The following NUCB2 variants were observed in gnomAD, a reference collection of about 807,000 sequenced individuals.
NUCB2 encodes nucleobindin-2.
NUCB2 carries 48 observed loss-of-function variants against 57.9 expected under a neutral mutation model. The ratio of observed to expected loss-of-function variants is 0.83; its 90% CI spans 0.66 to 1.05. The LOEUF is 1.05. Ranked by LOEUF, NUCB2 falls within the 50% of genes least tolerant of loss-of-function variation. The pLI is 0.00. For missense variants in NUCB2, 442 were observed against 476.2 expected (o/e 0.93, Z 0.67); for synonymous variants, 139 against 152.1 (o/e 0.91, Z 0.64).
intron 2 of NUCB2, among the ~76,000 whole-genome samples, chr11:17,347,591 CATT>C (rs907613411): frequency 2.0e-5 from 3 of 152,144 alleles, no homozygotes; most frequent in African/African-American, 7.2e-5. Flanking sequence ...GGAAATTTAA[CATT>C]GTTACAATAC....
intron 2 of NUCB2, among the ~76,000 whole-genome samples, chr11:17,347,791 T>A (rs1952861916): frequency 6.6e-6 from 1 of 152,158 alleles, no homozygotes; most frequent in African/African-American, 2.4e-5. Context: ...TTTTTGAGAG[T>A]ACAGGTCATT....
downstream of NUCB2, among the ~76,000 whole-genome samples, chr11:17,336,787 A>G (rs1163590194): frequency 1.8e-5 from 2 of 112,296 alleles, no homozygotes; most frequent in African/African-American, 6.6e-5. Context: ...AAAAAAAAAT[A>G]CTCTGAGACA....
intron 10 of NUCB2, among the ~76,000 whole-genome samples, chr11:17,312,650 G>T (rs1327170525): frequency 2.7e-5 from 4 of 149,662 alleles, no homozygotes; most frequent in Admixed American, 2.7e-4. Context: ...TGATCCATCC[G>T]CCTTGGCCTC....
chr11:17,324,959 G>A (rs1348332774), intron 11 of NUCB2, among the ~76,000 whole-genome samples: 13 of 151,738 alleles, frequency 8.6e-5, no homozygotes, highest in Non-Finnish European at 5.9e-5. Flanking sequence ...GTGCCACAAC[G>A]CCCGGCTAAT....
chr11:17,340,533 G>A (rs1436796293), intron 2 of NUCB2, among the ~76,000 whole-genome samples: 54 of 152,026 alleles, frequency 3.6e-4, no homozygotes, highest in Non-Finnish European at 7.1e-4. Flanking sequence ...TGTATAAGGT[G>A]TAAGGAAGGG....
chr11:17,295,344 G>GC lies in NUCB2; in HGVS notation c.22dup (p.Leu8ProfsTer16). On this transcript the variant is annotated frameshift_variant, in exon 3 of 14. Coordinates refer to ENST00000529010, the MANE Select transcript of NUCB2 (RefSeq NM_005013.4). LOFTEE classifies it high-confidence loss of function. ...TTCAGATGAGGTGGAGGACCATCCT[G>GC]CTACAGTATTGCTTTCTCTTGATTA... is the stretch of plus-strand genomic sequence containing the variant. The GC allele has an allele frequency of 6.2e-7, 1 of 1,611,550 alleles. No individual in the cohort carries two copies. Among genetic ancestry groups the GC allele is most frequent in the Non-Finnish European group, 8.5e-7 (1 of 1,178,602 alleles).
chr11:17,300,347 C>T (rs1033794062), intron 4 of NUCB2, among the ~76,000 whole-genome samples: 2 of 152,106 alleles, frequency 1.3e-5, no homozygotes, highest in African/African-American at 4.8e-5. Context: ...CCCACAGAGT[C>T]GTGAAATCAT....
chr11:17,318,214 G>A (rs1003091871), intron 11 of NUCB2, among the ~76,000 whole-genome samples: 5 of 151,242 alleles, frequency 3.3e-5, no homozygotes, highest in East Asian at 1.9e-4. Context: ...GCAGGATGTC[G>A]TCATGTTGAC....
intron 2 of NUCB2, among the ~76,000 whole-genome samples, chr11:17,284,441 A>G (rs368337041): frequency 6.6e-6 from 1 of 152,238 alleles, no homozygotes; most frequent in Non-Finnish European, 1.5e-5. Flanking sequence ...AGAAAAAGAA[A>G]TTCAGGGAAT....
intron 2 of NUCB2, among the ~76,000 whole-genome samples, chr11:17,285,606 T>C (rs940832860): frequency 2.7e-5 from 4 of 148,898 alleles, no homozygotes; most frequent in Non-Finnish European, 5.9e-5. Flanking sequence ...TAGCTGGGCG[T>C]GGTGGCGGGC....
intron 5 of NUCB2, among the ~76,000 whole-genome samples, chr11:17,308,121 C>A (rs1280773198): frequency 1.3e-5 from 2 of 152,244 alleles, no homozygotes; most frequent in East Asian, 3.9e-4. Context: ...TCAGTGAAAA[C>A]TTGGTTGAAC....
At chr11:17,324,838 G>A (rs1950477883) in intron 11 of NUCB2, among the ~76,000 whole-genome samples, 1 of 151,702 alleles carries the variant, frequency 6.6e-6, no homozygotes, top group African/African-American at 2.4e-5. Flanking sequence ...GCCTCACTCT[G>A]TTGCCCTGGC....
At chr11:17,316,971 C>CT (rs1338658214) in intron 11 of NUCB2, among the ~76,000 whole-genome samples, 1 of 152,108 alleles carries the variant, frequency 6.6e-6, no homozygotes, top group East Asian at 1.9e-4. Context: ...AAGTCAGCCT[C>CT]TTTTTGTATT....
rs1402037889 is a variant in NUCB2 at position 17,330,153 on chromosome 11, A to G, written c.1029A>G (p.Thr343=). The G allele has an allele frequency of 2.6e-6, 4 of 1,543,238 alleles. No homozygotes were observed. The Admixed American group carries it at 7.2e-5, about 28-fold the overall frequency. The change falls in exon 12 of 14, where the codon ACA becomes ACG. Residue 343 remains threonine (T), a synonymous_variant. Coordinates refer to ENST00000529010, the MANE Select transcript of NUCB2 (RefSeq NM_005013.4). The surrounding 1 kb of genome is among the most constrained non-coding windows in gnomAD (Gnocchi z 4.3). ...WETLDQQQFF[T]EEELKEYENI... ...CATTAGATCAGCAACAGTTCTTCAC[A>G]GAGGAAGAACTAAAAGAATATGAAA... is the stretch of plus-strand genomic sequence containing the variant.
chr11:17,304,304 C>T (rs1947269830), intron 5 of NUCB2, among the ~76,000 whole-genome samples: 1 of 151,860 alleles, frequency 6.6e-6, no homozygotes, highest in Admixed American at 6.6e-5. Flanking sequence ...AAGGGATTCT[C>T]CTGCCTCAGC....
intron 11 of NUCB2, among the ~76,000 whole-genome samples, chr11:17,321,247 A>C (rs948014591): frequency 4.6e-5 from 7 of 150,600 alleles, no homozygotes; most frequent in Non-Finnish European, 1.0e-4. Flanking sequence ...CCACTCCCCA[A>C]CTCCACACTT....
Position 17,330,260 on chromosome 11 carries a change from A to C in NUCB2, c.1136A>C (p.His379Pro). ...QKQKEELQRQ[H>P]DQLEAQKLEY... Reference sequence around the variant, plus strand: ...CAAAAAGAAGAGCTACAACGTCAGCATGATCAACTGGAGGCTCAGAAGCTG... The same window carrying C: ...CAAAAAGAAGAGCTACAACGTCAGCCTGATCAACTGGAGGCTCAGAAGCTG... The change falls in exon 12 of 14, where the codon CAT becomes CCT. Residue 379 changes from histidine to proline, a missense_variant. His to Pro is a moderately conservative substitution (Grantham distance 77). Coordinates refer to ENST00000529010, the MANE Select transcript of NUCB2 (RefSeq NM_005013.4). This position sits in a 1 kb window ranked among gnomAD's most constrained non-coding sequence, Gnocchi z 4.3. 1 of 1,610,398 alleles carries C rather than the reference A, an allele frequency of 6.2e-7. No homozygotes were observed. Among genetic ancestry groups the C allele is most frequent in the Non-Finnish European group, 8.5e-7 (1 of 1,179,162 alleles).
At chr11:17,318,470 A>G (rs531831217) in intron 11 of NUCB2, among the ~76,000 whole-genome samples, 1 of 152,314 alleles carries the variant, frequency 6.6e-6, no homozygotes, top group South Asian at 2.1e-4. Context: ...GCTATTTTAA[A>G]AAGAAAATGC....
At chr11:17,328,945 C>T (rs1263794142) in intron 11 of NUCB2, among the ~76,000 whole-genome samples, 1 of 152,204 alleles carries the variant, frequency 6.6e-6, no homozygotes, top group East Asian at 1.9e-4. Context: ...CCAAGACCCA[C>T]AGCATACTCC....
Sources: gnomAD v4.1 joint callset for allele counts (sites outside exome capture counted in the v4.1 genomes callset) on GRCh38, gnomAD v4.1.1 for gene constraint, Gnocchi (gnomAD v3.1) non-coding constraint, MANE v1.5 for transcripts, NCBI Gene and HGNC (gene_info 2026-07-23, HGNC 2026-07-21) for gene names.